Variants in SH3PXD2B observed in about 807,000 individuals in gnomAD.
SH3PXD2B encodes the protein SH3 and PX domains 2B.
A neutral mutation model predicts 73.1 loss-of-function variants in SH3PXD2B; 37 were observed. That is an observed-to-expected ratio of 0.51 (90% CI 0.39 to 0.67). The LOEUF is 0.67. SH3PXD2B is among the 30% of genes least tolerant of loss of function. The pLI, the probability that SH3PXD2B is intolerant of heterozygous loss-of-function variation, is 0.00. For synonymous variants in SH3PXD2B, 457 were observed against 480.5 expected (o/e 0.95, Z 0.64); for missense variants, 1,053 against 1,197.8 (o/e 0.88, Z 1.78).
chr5:172,382,910 G>A (rs1024416103), intron 4 of SH3PXD2B, among the ~76,000 whole-genome samples: 4 of 132,762 alleles, frequency 3.0e-5, no homozygotes, highest in African/African-American at 6.0e-5. Context: ...TTTTTTTTTT[G>A]TATTTTTAGT....
At position 172,337,258 on chromosome 5, in the gene SH3PXD2B, A is replaced by G. The variant is rs1470139175; in HGVS notation, c.*1111T>C. ...ATGCCCCCTCACCCCCCTCACAATG[A>G]AGCCACTTGGCCACCACTTAGCCAG... On this transcript the variant is annotated 3_prime_UTR_variant, in exon 13 of 13. Coordinates refer to ENST00000311601, the MANE Select transcript of SH3PXD2B (RefSeq NM_001017995.3). 2.0e-6 allele frequency: 2 copies of G among 985,634 alleles called. No homozygotes were observed. Among genetic ancestry groups the G allele is most frequent in the Admixed American group, 1.2e-4 (2 of 16,256 alleles). The allele number at this position is 985,634 out of a possible 1,614,324, so 61.1% of individuals were successfully genotyped here. A position where few individuals can be genotyped will look rare whatever the true frequency, so the allele number is the denominator to read the frequency against.
chr5:172,439,290 AACCC>A (rs1759484260), intron 1 of SH3PXD2B, among the ~76,000 whole-genome samples: 2 of 55,874 alleles, frequency 3.6e-5, no homozygotes, highest in Admixed American at 1.5e-4. Context: ...ACAAAAAAAA[AACCC>A]CAAAAAAAAA....
At chr5:172,386,653 C>T (rs1758066851) in intron 4 of SH3PXD2B, among the ~76,000 whole-genome samples, 1 of 152,086 alleles carries the variant, frequency 6.6e-6, no homozygotes, top group Non-Finnish European at 1.5e-5. Context: ...GTTTTTGAGA[C>T]AGGGTCTGGC....
At chr5:172,340,009 G>A in intron 12 of SH3PXD2B, 93 bp from the exon 13 acceptor site, 1 of 1,571,096 alleles carries the variant, frequency 6.4e-7, no homozygotes. Context: ...TGGAGCTCTA[G>A]AAGCTGTCAC....
At chr5:172,378,676 C>T (rs1376665156) in intron 5 of SH3PXD2B, among the ~76,000 whole-genome samples, 1 of 152,128 alleles carries the variant, frequency 6.6e-6, no homozygotes, top group Non-Finnish European at 1.5e-5. Flanking sequence ...CATTTGATTC[C>T]CCAAGCAATT....
At chr5:172,408,534 C>CTTTTT (rs34377327) in intron 2 of SH3PXD2B, among the ~76,000 whole-genome samples, 1,437 of 92,586 alleles carry the variant, frequency 0.016, 28 homozygotes, top group East Asian at 0.033. Flanking sequence ...TGGGTTATCA[C>CTTTTT]TTTTTTTTTT....
intron 10 of SH3PXD2B, among the ~76,000 whole-genome samples, chr5:172,349,691 C>A (rs1281124722): frequency 2.0e-5 from 3 of 152,136 alleles, no homozygotes; most frequent in Admixed American, 6.5e-5. Flanking sequence ...ATCTGTAAAA[C>A]AGAAAAAGTA....
At position 172,335,873 on chromosome 5, in the gene SH3PXD2B, A is replaced by G; in HGVS notation, c.*2496T>C. ...ATATGACTCAAGGAGAGAACAGTGA[A>G]CAGAGAGGACTGTGGCTTCAGTACC... is the stretch of plus-strand genomic sequence containing the variant. On this transcript the variant is annotated 3_prime_UTR_variant, in exon 13 of 13. Transcript: ENST00000311601. 8.2e-7 allele frequency: 1 copy of G among 1,223,092 alleles called. No individual in the cohort carries two copies. Among genetic ancestry groups the G allele is most frequent in the Non-Finnish European group, 1.0e-6 (1 of 983,028 alleles). The allele number at this position is 1,223,092 out of a possible 1,614,324, so 75.8% of individuals were successfully genotyped here. A position where few individuals can be genotyped will look rare whatever the true frequency, so the allele number is the denominator to read the frequency against.
chr5:172,342,739 C>A lies in SH3PXD2B; in HGVS notation c.1189-2823G>T, dbSNP rs542842612. 5.3e-5 allele frequency among the ~76,000 whole-genome samples: 8 copies of A among 151,474 alleles called. 1 individual carries two copies. Among genetic ancestry groups the A allele is most frequent in the Admixed American group, 2.6e-4 (4 of 15,228 alleles). On this transcript the variant is annotated intron_variant, in intron 12 of 12. Coordinates refer to ENST00000311601, the MANE Select transcript of SH3PXD2B (RefSeq NM_001017995.3). ...TCGTGCCATTGCACTCCAGCCTGGG[C>A]GACAGAGCAAGACTCTGTCTCGAAA... is the stretch of plus-strand genomic sequence containing the variant.
At position 172,350,392 on chromosome 5, in the gene SH3PXD2B, C is replaced by T. The variant is rs748596484; in HGVS notation, c.983G>A (p.Arg328His). Residue 328 changes from arginine to histidine, a missense_variant, in exon 10 of 13, where the codon CGC (arginine) becomes CAC (histidine). Arg to His is a conservative substitution (Grantham distance 29, BLOSUM62 0). This residue lies in a region of SH3PXD2B where 466 missense variants were observed against 607.1 expected (regional missense o/e 0.77). Coordinates refer to ENST00000311601, the MANE Select transcript of SH3PXD2B (RefSeq NM_001017995.3). ...SSQRDGRFEG[R>H]PVPDGDAKQR... The stretch of plus-strand genomic sequence containing the variant: ...CTTGGCGTCACCGTCGGGCACCGGG[C>T]GGCCTTCAAACCGCCCGTCCCTCTG... 1.8e-5 allele frequency: 29 copies of T among 1,613,670 alleles called. No individual in the cohort carries two copies. Among genetic ancestry groups the T allele is most frequent in the Admixed American group, 5.0e-5 (3 of 59,988 alleles).
chr5:172,426,250 G>C (rs1026694918), intron 1 of SH3PXD2B, among the ~76,000 whole-genome samples: 1 of 152,154 alleles, frequency 6.6e-6, no homozygotes, highest in Non-Finnish European at 1.5e-5. Flanking sequence ...ATTTTTTAAC[G>C]AGAGCTGCCC....
chr5:172,394,670 T>C, intron 3 of SH3PXD2B, 31 bp from the exon 4 acceptor site: 5 of 1,611,686 alleles, frequency 3.1e-6, no homozygotes, highest in Non-Finnish European at 4.2e-6. Context: ...GACAGTGTTG[T>C]CAGGGAACAG....
In SH3PXD2B at chr5:172,338,382, C is replaced by G; in HGVS notation, c.2723G>C (p.Arg908Thr). ...WEGWIPSNYLRKKP is the reference protein window; with the variant it reads ...WEGWIPSNYLTKKP ...AAAGGGAGTCGGCTACGGCTTCTTTCTGAGATAGTTGGAAGGAATCCACCC... is the reference window on the plus strand; with the variant it reads ...AAAGGGAGTCGGCTACGGCTTCTTTGTGAGATAGTTGGAAGGAATCCACCC... The change falls in exon 13 of 13, where the codon AGA becomes ACA. Residue 908 changes from arginine to threonine, a missense_variant. Transcript: ENST00000311601. This position sits in a 1 kb window ranked among gnomAD's most constrained non-coding sequence, Gnocchi z 5.1. 1 of 1,614,118 alleles carries G rather than the reference C, an allele frequency of 6.2e-7. No homozygotes were observed. Among genetic ancestry groups the G allele is most frequent in the Non-Finnish European group, 8.5e-7 (1 of 1,180,036 alleles).
At chr5:172,329,083 A>ATATATTTTTTTTTTTTTTTTT (rs58472514), downstream of SH3PXD2B, among the ~76,000 whole-genome samples, 2 of 61,818 alleles carry the variant, frequency 3.2e-5, no homozygotes, top group African/African-American at 1.6e-4. Flanking sequence ...ATATATATAT[A>ATATATTTTTTTTTTTTTTTTT]TTTTTTTTTT....
chr5:172,387,457 C>G (rs955618481), intron 4 of SH3PXD2B, among the ~76,000 whole-genome samples: 1 of 152,240 alleles, frequency 6.6e-6, no homozygotes, highest in South Asian at 2.1e-4. Context: ...CTCAGACACT[C>G]TGGCCCTTGC....
chr5:172,372,422 C>T (rs946170793), intron 6 of SH3PXD2B, among the ~76,000 whole-genome samples: 3 of 152,118 alleles, frequency 2.0e-5, no homozygotes, highest in Admixed American at 6.6e-5. Context: ...CGGAGGCCTC[C>T]CCAGAAGCTG....
chr5:172,329,196 T>C (rs1329656043), downstream of SH3PXD2B, among the ~76,000 whole-genome samples: 1 of 149,620 alleles, frequency 6.7e-6, no homozygotes, highest in African/African-American at 2.5e-5. Context: ...TTCTCCTGAC[T>C]CAGCCTCCTG....
rs1757202659 is a variant in SH3PXD2B at position 172,353,472 on chromosome 5, ACGAGGG to A, written c.785+410_785+415del. On this transcript the variant is annotated intron_variant, in intron 9 of 12. Coordinates refer to ENST00000311601, the MANE Select transcript of SH3PXD2B (RefSeq NM_001017995.3). This position sits in a 1 kb window ranked among gnomAD's most constrained non-coding sequence, Gnocchi z 4.3. Reference sequence around the variant, plus strand: ...TGCTTTTACCATTGGACTTTGAGAGACGAGGGCAGATTATCAGCCTAGGACGAATTA... The same window carrying A: ...TGCTTTTACCATTGGACTTTGAGAGACAGATTATCAGCCTAGGACGAATTA... 6.6e-6 allele frequency among the ~76,000 whole-genome samples: 1 copy of A among 152,170 alleles called. No individual in the cohort carries two copies. The highest frequency in any genetic ancestry group is 6.5e-5 in the Admixed American group (1 of 15,284).
Position 172,338,834 on chromosome 5 carries a change from G to A in SH3PXD2B, c.2271C>T (p.Val757=). 6.2e-7 allele frequency: 1 copy of A among 1,613,994 alleles called. No homozygotes were observed. Among genetic ancestry groups the A allele is most frequent in the Non-Finnish European group, 8.5e-7 (1 of 1,179,908 alleles). ...TTGGGGGAGGTGGTCTGCGGGGTGG[G>A]ACCACAGGTCTCTGCTGGGGAGCCT... ...LQEAPQQRPV[V]PPRRPPPPKK... is the part of the protein sequence containing the mutation. Residue 757 remains valine, a synonymous_variant, in exon 13 of 13, where the codon GTC becomes GTT. Transcript: ENST00000311601. The surrounding 1 kb of genome is among the most constrained non-coding windows in gnomAD (Gnocchi z 5.1).
Sources: gnomAD v4.1 joint callset for allele counts (sites outside exome capture counted in the v4.1 genomes callset) on GRCh38, gnomAD v4.1.1 for gene constraint, gnomAD v4.1.1 regional missense constraint, Gnocchi (gnomAD v3.1) non-coding constraint, MANE v1.5 for transcripts, NCBI Gene and HGNC (gene_info 2026-07-23, HGNC 2026-07-21) for gene names.